The following LRGUK variants were observed in gnomAD, a reference collection of about 807,000 sequenced individuals.
LRGUK encodes leucine rich repeats and guanylate kinase domain containing.
LRGUK carries 65 observed loss-of-function variants against 76.0 expected under a neutral mutation model. That is an observed-to-expected ratio of 0.85 (90% CI 0.70 to 1.05). The LOEUF (loss-of-function observed/expected upper bound fraction) is 1.05. Ranked by LOEUF, LRGUK falls within the 50% of genes least tolerant of loss-of-function variation. The probability of loss-of-function intolerance (pLI) is 0.00; values close to 1 mark genes in which losing one functional copy is unlikely to be tolerated. For synonymous variants in LRGUK, 268 were observed against 265.6 expected (o/e 1.01, Z -0.09); for missense variants, 758 against 732.8 (o/e 1.03, Z -0.40).
At position 134,235,355 on chromosome 7, in the gene LRGUK, T is replaced by C. The variant is rs534131163; in HGVS notation, c.1984-12201T>C. 8.5e-5 allele frequency among the ~76,000 whole-genome samples: 13 copies of C among 152,276 alleles called. No individual in the cohort carries two copies. The East Asian group carries it at 2.1e-3, about 25-fold the overall frequency. On this transcript the variant is annotated intron_variant, in intron 16 of 19. Transcript: ENST00000285928. The stretch of plus-strand genomic sequence containing the variant: ...TGCCTTAGAGCCATTGCACTAACTG[T>C]TTCTTCTTTCTGGAACACTCTTTCC...
chr7:134,148,045 G>C (rs1187249978), intron 4 of LRGUK, among the ~76,000 whole-genome samples, 193 bp from the exon 5 acceptor site: 1 of 123,610 alleles, frequency 8.1e-6, no homozygotes, highest in African/African-American at 3.2e-5. Context: ...CTGGACGACA[G>C]AGCAAGACTC....
chr7:134,182,118 A>C (rs1346332806), intron 10 of LRGUK, among the ~76,000 whole-genome samples: 1 of 152,060 alleles, frequency 6.6e-6, no homozygotes, highest in Non-Finnish European at 1.5e-5. Flanking sequence ...GCCTCTTGGG[A>C]TTGGCTTTTT....
chr7:134,173,637 AC>A (rs999954525), intron 7 of LRGUK, among the ~76,000 whole-genome samples: 62 of 152,030 alleles, frequency 4.1e-4, no homozygotes, highest in African/African-American at 1.1e-3. Flanking sequence ...CTGTTCTCCT[AC>A]TTTTTAAAAT....
chr7:134,159,800 AC>A (rs1426554295), intron 6 of LRGUK, among the ~76,000 whole-genome samples: 1 of 152,152 alleles, frequency 6.6e-6, no homozygotes, highest in African/African-American at 2.4e-5. Context: ...AAAAAACAAA[AC>A]AAACAAAAAA....
At chr7:134,226,294 A>G (rs547773360) in intron 16 of LRGUK, among the ~76,000 whole-genome samples, 30 of 149,372 alleles carry the variant, frequency 2.0e-4, no homozygotes, top group African/African-American at 7.6e-4. Flanking sequence ...CTGAAGCACC[A>G]TTCCCACTTA....
At chr7:134,221,701 A>G in intron 15 of LRGUK, 78 bp from the exon 16 acceptor site, 1 of 1,197,748 alleles carries the variant, frequency 8.3e-7, no homozygotes, top group Non-Finnish European at 1.1e-6. Context: ...TGGGCAAATA[A>G]AAATATAAAA....
At chr7:134,128,590 A>G (rs1797131897) in intron 1 of LRGUK, among the ~76,000 whole-genome samples, 1 of 152,132 alleles carries the variant, frequency 6.6e-6, no homozygotes, top group Admixed American at 6.5e-5. Context: ...TGGCTTTGTC[A>G]CCAGGCGGGA....
chr7:134,219,611 A>G (rs1241483998), intron 15 of LRGUK, among the ~76,000 whole-genome samples: 1 of 152,180 alleles, frequency 6.6e-6, no homozygotes, highest in Non-Finnish European at 1.5e-5. Context: ...AATGCGCTGT[A>G]CTTAGAGTGA....
chr7:134,188,877 GCTT>G (rs1339091709), intron 11 of LRGUK, among the ~76,000 whole-genome samples: 3 of 152,048 alleles, frequency 2.0e-5, no homozygotes, highest in African/African-American at 7.2e-5. Context: ...TCAGAATTAA[GCTT>G]CTAAATCTGC....
At position 134,137,828 on chromosome 7, in the gene LRGUK, C is replaced by T. The variant is rs978302481; in HGVS notation, c.405+698C>T. ...AAAGCATTAAATATTCATTGGAGAT[C>T]CACAGAGTAAATTTAGGTACATATG... On this transcript the variant is annotated intron_variant, in intron 2 of 15. Coordinates refer to ENST00000645682, the Ensembl canonical transcript of LRGUK. Among the ~76,000 whole-genome samples, 4 of 151,440 alleles carry T rather than the reference C, an allele frequency of 2.6e-5. No homozygotes were observed. In the Admixed American group the frequency reaches 2.6e-4, roughly 10 times the overall value.
chr7:134,202,319 A>T (rs1488542350), intron 15 of LRGUK, among the ~76,000 whole-genome samples: 5 of 43,012 alleles, frequency 1.2e-4, no homozygotes, highest in East Asian at 1.9e-3. Context: ...AAACAAAATT[A>T]AAAAAAAAAA....
chr7:134,207,318 TC>T (rs1178973574), intron 15 of LRGUK, among the ~76,000 whole-genome samples: 1 of 152,180 alleles, frequency 6.6e-6, no homozygotes, highest in Non-Finnish European at 1.5e-5. Context: ...AATCTATTAC[TC>T]CCCTCAACTC....
At chr7:134,172,841 C>T (rs1799313775) in intron 7 of LRGUK, among the ~76,000 whole-genome samples, 1 of 151,852 alleles carries the variant, frequency 6.6e-6, no homozygotes. Flanking sequence ...ATTAGCTAGG[C>T]TTGGCAGTGC....
chr7:134,246,042 G>C (rs1471108171), intron 16 of LRGUK, among the ~76,000 whole-genome samples: 1 of 152,058 alleles, frequency 6.6e-6, no homozygotes, highest in African/African-American at 2.4e-5. Context: ...AAATGATTTT[G>C]GTAATCAAGT....
chr7:134,201,400 C>A, intron 14 of LRGUK, 81 bp from the exon 15 acceptor site: 1 of 1,110,594 alleles, frequency 9.0e-7, no homozygotes, highest in South Asian at 1.3e-5. Flanking sequence ...ATGCAGTAAA[C>A]AAATCATTAC....
chr7:134,159,632 T>C (rs1390393553), intron 6 of LRGUK, among the ~76,000 whole-genome samples: 1 of 151,962 alleles, frequency 6.6e-6, no homozygotes. Context: ...CTACTAAAAA[T>C]ACAAAAATTA....
At chr7:134,267,832 A>C (rs768343116), downstream of LRGUK, among the ~76,000 whole-genome samples, 1 of 152,100 alleles carries the variant, frequency 6.6e-6, no homozygotes, top group Non-Finnish European at 1.5e-5. Flanking sequence ...CATGTTCACT[A>C]TTTGGGTGAC....
intron 8 of LRGUK, among the ~76,000 whole-genome samples, chr7:134,175,754 T>C (rs560042048): frequency 3.0e-4 from 45 of 152,264 alleles, no homozygotes; most frequent in Admixed American, 4.6e-4. Flanking sequence ...TCCGCTAATA[T>C]CTAATGTCTT....
At chr7:134,178,467 C>T (rs754288352) in intron 9 of LRGUK, 36 bp from the exon 10 acceptor site, 1 of 1,523,188 alleles carries the variant, frequency 6.6e-7, no homozygotes, top group Non-Finnish European at 9.0e-7. Context: ...AGAAACAAAA[C>T]TTTTTTTCCC....
Sources: allele counts gnomAD v4.1 joint callset (sites outside exome capture counted in the v4.1 genomes callset), GRCh38; gene constraint gnomAD v4.1.1; transcripts MANE v1.5; gene names NCBI Gene and HGNC (gene_info 2026-07-23, HGNC 2026-07-21).